The following HDGFL3 variants were observed in gnomAD, a reference collection of about 807,000 sequenced individuals.
The protein encoded by HDGFL3 is HDGF like 3, also known as hepatoma-derived growth factor-related protein 3.
HDGFL3 carries 6 observed loss-of-function variants against 27.6 expected under a neutral mutation model. The ratio of observed to expected loss-of-function variants is 0.22; its 90% CI spans 0.12 to 0.43. The LOEUF (loss-of-function observed/expected upper bound fraction) is 0.43. Among genes scored for constraint, HDGFL3 ranks in the 20% least tolerant of loss-of-function variants. The pLI, the probability that HDGFL3 is intolerant of heterozygous loss-of-function variation, is 1.00. For missense variants in HDGFL3, 207 were observed against 250.1 expected, an observed-to-expected ratio of 0.83 and a Z score of 1.16; for synonymous variants, 88 against 88.9, an observed-to-expected ratio of 0.99 and a Z score of 0.05.
chr15:83,119,139 G>A (rs2151354870), intron 3 of HDGFL3, among the ~76,000 whole-genome samples: 1 of 152,246 alleles, frequency 6.6e-6, no homozygotes, highest in East Asian at 1.9e-4. Flanking sequence ...GCCATGCCCA[G>A]CCCAGCAAGC....
At chr15:83,176,267 T>C (rs1024820235) in intron 1 of HDGFL3, among the ~76,000 whole-genome samples, 2 of 152,208 alleles carry the variant, frequency 1.3e-5, no homozygotes, top group Non-Finnish European at 2.9e-5. Context: ...GAAAGGGTAT[T>C]AACAAATTAG....
rs1022134764 is a variant in HDGFL3, at chr15:83,207,476, C to G, written c.-62G>C. 2.3e-5 allele frequency: 28 copies of G among 1,210,302 alleles called. No homozygotes were observed. The highest frequency in any genetic ancestry group is 2.9e-5 in the Non-Finnish European group (28 of 956,520). The allele number at this position is 1,210,302 out of a possible 1,614,324, so 75.0% of individuals were successfully genotyped here. On this transcript the variant is annotated 5_prime_UTR_variant, in exon 1 of 6. Coordinates refer to ENST00000299633, the MANE Select transcript of HDGFL3 (RefSeq NM_016073.4). This position sits in a 1 kb window ranked among gnomAD's most constrained non-coding sequence, Gnocchi z 4.8. The stretch of plus-strand genomic sequence containing the variant: ...GCGAAGATGCCGGGAGGCCGCCCCC[C>G]CGCGGGCCGACGAATTGCGCCGCGC...
At chr15:83,185,315 A>T (rs2037429228) in intron 1 of HDGFL3, among the ~76,000 whole-genome samples, 1 of 152,190 alleles carries the variant, frequency 6.6e-6, no homozygotes, top group Non-Finnish European at 1.5e-5. Context: ...CTTTAAGAAG[A>T]CTGCTTGGAG....
chr15:83,152,295 C>T lies in HDGFL3; in HGVS notation c.460-934G>A, dbSNP rs144569299. 1.9e-3 allele frequency among the ~76,000 whole-genome samples: 290 copies of T among 152,368 alleles called. 8 individuals are homozygous for T. In the East Asian group the frequency reaches 0.048, roughly 25 times the overall value. ...CATAGGCCAGGCATGGTGGCTCACG[C>T]CTGTAATCCCAGCACTTTGGGAGGC... On this transcript the variant is annotated intron_variant, in intron 4 of 5. Transcript: ENST00000299633.
intron 5 of HDGFL3, among the ~76,000 whole-genome samples, chr15:83,148,830 A>G (rs2036931984): frequency 6.6e-6 from 1 of 152,118 alleles, no homozygotes; most frequent in Non-Finnish European, 1.5e-5. Context: ...AAAGCTAAAA[A>G]TAAGTAATAC....
downstream of HDGFL3, chr15:83,122,868 AC>A (rs1567145233): frequency 1.2e-6 from 2 of 1,613,900 alleles, no homozygotes; most frequent in Admixed American, 3.3e-5. Context: ...AATTATAATT[AC>A]CCCTCAAAGG....
chr15:83,182,137 T>C (rs1470013889), intron 1 of HDGFL3, among the ~76,000 whole-genome samples: 1 of 152,238 alleles, frequency 6.6e-6, no homozygotes, highest in East Asian at 1.9e-4. Flanking sequence ...TATGGCTTTT[T>C]ATGGCTAGTC....
In HDGFL3 at chr15:83,207,260, A is replaced by C; in HGVS notation, c.84+71T>G. Reference sequence around the variant, plus strand: ...GGCTCGGGGCTGAGGCGATGGGGAAAGGGGGCGGGCGCGCCATCATGAAGG... The same window carrying C: ...GGCTCGGGGCTGAGGCGATGGGGAACGGGGGCGGGCGCGCCATCATGAAGG... On this transcript the variant is annotated intron_variant, in intron 1 of 5. Transcript: ENST00000299633. The surrounding 1 kb of genome is among the most constrained non-coding windows in gnomAD (Gnocchi z 4.8). 9.3e-7 allele frequency: 1 copy of C among 1,071,412 alleles called. No homozygotes were observed. The allele number at this position is 1,071,412 out of a possible 1,614,324, so 66.4% of individuals were successfully genotyped here.
At chr15:83,165,319 T>G (rs1438899926) in intron 1 of HDGFL3, among the ~76,000 whole-genome samples, 1 of 152,236 alleles carries the variant, frequency 6.6e-6, no homozygotes, top group Admixed American at 6.5e-5. Context: ...GTCACTCAAC[T>G]GCAGTTTCTT....
intron 3 of HDGFL3, among the ~76,000 whole-genome samples, chr15:83,119,131 C>A (rs1700420457): frequency 6.6e-6 from 1 of 152,146 alleles, no homozygotes; most frequent in Non-Finnish European, 1.5e-5. Flanking sequence ...AGTGTTGTGC[C>A]ATGCCCAGCC....
In HDGFL3 at chr15:83,119,601, A is replaced by G. The variant is rs765426109; in HGVS notation, c.394-3860T>C. 3 of 1,614,210 alleles carry G rather than the reference A, an allele frequency of 1.9e-6. No homozygotes were observed. In the South Asian group the frequency reaches 3.3e-5, roughly 18 times the overall value. On this transcript the variant is annotated intron_variant, in intron 3 of 3. Transcript: ENST00000568294. ...AGGGTGAACCGTATCTGAACACCGC[A>G]TATGGGCACATGATCTGCTACTGGG...
rs985756911 is a variant in HDGFL3, at chr15:83,207,316, G to C, written c.84+15C>G. The C allele has an allele frequency of 9.6e-6, 13 of 1,347,712 alleles. No homozygotes were observed. The highest frequency in any genetic ancestry group is 1.2e-5 in the Non-Finnish European group (13 of 1,044,692). 83.5% of individuals were successfully genotyped at this position (1,347,712 alleles called of 1,614,324 possible). A position where few individuals can be genotyped will look rare whatever the true frequency, so the allele number is the denominator to read the frequency against. The stretch of plus-strand genomic sequence containing the variant: ...ATGGTGGGCGGGCGGGCCCGCGCGC[G>C]GCCGCGGTACTCACCCGGGCCGGCC... On this transcript the variant is annotated intron_variant, in intron 1 of 5. Coordinates refer to ENST00000299633, the MANE Select transcript of HDGFL3 (RefSeq NM_016073.4). The surrounding 1 kb of genome is among the most constrained non-coding windows in gnomAD (Gnocchi z 4.8).
rs569344034 is a variant in HDGFL3 at position 83,162,385 on chromosome 15, C to CA, written c.161+1613dup. ...ATCTGCCTCTGGATGATCAAACCAG[C>CA]AAAAAAATCACATATAGACTACTGT... On this transcript the variant is annotated intron_variant, in intron 2 of 5. Transcript: ENST00000299633. Among the ~76,000 whole-genome samples, 32 of 151,904 alleles carry CA rather than the reference C, an allele frequency of 2.1e-4. 1 individual carries two copies. In the East Asian group the frequency reaches 5.8e-3, roughly 28 times the overall value.
In HDGFL3 at chr15:83,139,279, TAAAAA is replaced by T; in HGVS notation, c.607-9_607-5del. Reference sequence around the variant, plus strand: ...GCATTCATTATGGTAGTTAGGTCTGTAAAAAAAAAAAAAAGAAAGAAAACAAGCCT... The same window carrying T: ...GCATTCATTATGGTAGTTAGGTCTGTAAAAAAAAAGAAAGAAAACAAGCCT... On this transcript the variant is annotated splice_polypyrimidine_tract_variant and splice_region_variant and intron_variant, in intron 5 of 5. Coordinates refer to ENST00000299633, the MANE Select transcript of HDGFL3 (RefSeq NM_016073.4). 12 of 1,225,996 alleles carry T rather than the reference TAAAAA, an allele frequency of 9.8e-6. No individual in the cohort carries two copies. Among genetic ancestry groups the T allele is most frequent in the South Asian group, 3.5e-5 (2 of 56,970 alleles). 75.9% of individuals were successfully genotyped at this position (1,225,996 alleles called of 1,614,324 possible).
At chr15:83,172,704 C>A (rs1052589151) in intron 1 of HDGFL3, among the ~76,000 whole-genome samples, 19 of 151,484 alleles carry the variant, frequency 1.3e-4, no homozygotes, top group Non-Finnish European at 2.9e-5. Context: ...GCCTGTAATC[C>A]AAGCTACTGA....
exon 4 of HDGFL3, chr15:83,113,250 G>A: frequency 2.8e-6 from 1 of 358,704 alleles, no homozygotes; most frequent in East Asian, 6.2e-5. Flanking sequence ...CCCCCACTTA[G>A]TGCAGAACTT....
Position 83,207,558 on chromosome 15 carries a change from G to C in HDGFL3, c.-144C>G, listed in dbSNP as rs1246821370. 1.9e-6 allele frequency: 1 copy of C among 535,788 alleles called. No individual in the cohort carries two copies. The highest frequency in any genetic ancestry group is 9.6e-5 in the South Asian group (1 of 10,414). 33.2% of individuals were successfully genotyped at this position (535,788 alleles called of 1,614,324 possible). ...GGCCGCTCCGACGAGGGGAAGCGGC[G>C]AGGCGGCGGCTGAGGCAAGGGGTGG... On this transcript the variant is annotated 5_prime_UTR_variant, in exon 1 of 6. Transcript: ENST00000299633. The surrounding 1 kb of genome is among the most constrained non-coding windows in gnomAD (Gnocchi z 4.8).
At chr15:83,122,619 T>A in intron 3 of HDGFL3, 1 of 859,558 alleles carries the variant, frequency 1.2e-6, no homozygotes, top group Admixed American at 2.7e-5. Flanking sequence ...TAAATTGACC[T>A]TTTTAATTTG....
downstream of HDGFL3, chr15:83,127,259 A>G: frequency 7.8e-7 from 1 of 1,279,810 alleles, no homozygotes; most frequent in Middle Eastern, 2.3e-4. Context: ...AATAGGAATT[A>G]ATATTTTCAA....
Sources: allele counts gnomAD v4.1 joint callset (sites outside exome capture counted in the v4.1 genomes callset), GRCh38; gene constraint gnomAD v4.1.1; non-coding constraint Gnocchi (gnomAD v3.1); transcripts MANE v1.5; gene names NCBI Gene and HGNC (gene_info 2026-07-23, HGNC 2026-07-21).